TENM3: variants seen among roughly 807,000 people sequenced by gnomAD.
TENM3 encodes teneurin-3.
In TENM3, 63 loss-of-function variants were observed where a neutral mutation model predicts 255.1. That is an observed-to-expected ratio of 0.25 (90% CI 0.20 to 0.30). The LOEUF (loss-of-function observed/expected upper bound fraction) is 0.30, where lower values mean the gene tolerates loss of function less well. Among genes scored for constraint, TENM3 ranks in the 10% least tolerant of loss-of-function variants. TENM3 has a pLI of 1.00. For synonymous variants in TENM3, 1,306 were observed against 1,322.3 expected (o/e 0.99, Z 0.27); for missense variants, 2,929 against 3,461.1 (o/e 0.85, Z 3.86).
chr4:182,387,805 C>T (rs1428460383), intron 3 of TENM3, among the ~76,000 whole-genome samples: 1 of 152,060 alleles, frequency 6.6e-6, no homozygotes, highest in East Asian at 1.9e-4. Flanking sequence ...AAGGGACAGA[C>T]TCCAGACGCG....
the TENM3 span, among the ~76,000 whole-genome samples, chr4:182,025,855 T>TA: frequency 6.6e-6 from 1 of 152,158 alleles, no homozygotes; most frequent in Non-Finnish European, 1.5e-5. Flanking sequence ...CTTTAACTTC[T>TA]AGGGTACATG....
the TENM3 span, among the ~76,000 whole-genome samples, chr4:181,632,130 G>A: frequency 6.6e-6 from 1 of 152,144 alleles, no homozygotes; most frequent in Non-Finnish European, 1.5e-5. Flanking sequence ...AGGTTTAATT[G>A]ACTCACAGTT....
chr4:182,442,753 G>A (rs866800475), intron 3 of TENM3, among the ~76,000 whole-genome samples: 1 of 136,356 alleles, frequency 7.3e-6, no homozygotes, highest in Non-Finnish European at 1.5e-5. Flanking sequence ...CAGCACACTC[G>A]ACTAATTTGT....
At chr4:181,466,937 G>A in the TENM3 span, among the ~76,000 whole-genome samples, 4 of 150,424 alleles carry the variant, frequency 2.7e-5, no homozygotes, top group African/African-American at 4.9e-5. Context: ...TTTTATTGGT[G>A]CTATTTTTAG....
At chr4:181,852,056 C>G in the TENM3 span, among the ~76,000 whole-genome samples, 1 of 152,198 alleles carries the variant, frequency 6.6e-6, no homozygotes, top group Non-Finnish European at 1.5e-5. Context: ...AAAGTCAACT[C>G]AGGGCACGTC....
At chr4:181,624,620 G>C in the TENM3 span, among the ~76,000 whole-genome samples, 1 of 152,178 alleles carries the variant, frequency 6.6e-6, no homozygotes, top group African/African-American at 2.4e-5. Context: ...ATAAAATTAA[G>C]AGGAATAAAG....
At position 182,409,466 on chromosome 4, in the gene TENM3, C is replaced by A. The variant is rs149723845; in HGVS notation, c.511+62537C>A. On this transcript the variant is annotated intron_variant, in intron 3 of 27. Transcript: ENST00000511685. ...GTAATAGCCCCAGGAGCTTTGGCTG[C>A]GGTATTTTCCCCTGTCGGGCCCAGA... Among the ~76,000 whole-genome samples the A allele has an allele frequency of 3.3e-3, 510 of 152,272 alleles. 5 individuals are homozygous for A. The highest frequency in any genetic ancestry group is 0.012 in the African/African-American group (489 of 41,564).
the TENM3 span, among the ~76,000 whole-genome samples, chr4:181,631,170 C>T: frequency 6.6e-6 from 1 of 152,156 alleles, no homozygotes; most frequent in African/African-American, 2.4e-5. Flanking sequence ...AGTCCAGCAT[C>T]CTGATGTCTG....
At chr4:182,672,270 G>T (rs978627132) in intron 6 of TENM3, among the ~76,000 whole-genome samples, 2 of 152,192 alleles carry the variant, frequency 1.3e-5, no homozygotes, top group African/African-American at 4.8e-5. Context: ...GATCCAGGGA[G>T]AAAAGAGGTT....
chr4:181,703,776 T>A, the TENM3 span, among the ~76,000 whole-genome samples: 1 of 148,644 alleles, frequency 6.7e-6, no homozygotes, highest in Non-Finnish European at 1.5e-5. Flanking sequence ...TCCTCTTTAA[T>A]GGATGGAAGT....
intron 3 of TENM3, among the ~76,000 whole-genome samples, chr4:182,543,132 T>A (rs1741054429): frequency 6.6e-6 from 1 of 152,082 alleles, no homozygotes; most frequent in South Asian, 2.1e-4. Context: ...ACTCGATGGA[T>A]GCATGGATGC....
intron 3 of TENM3, among the ~76,000 whole-genome samples, chr4:182,502,717 T>C (rs529909239): frequency 7.9e-5 from 12 of 152,228 alleles, no homozygotes; most frequent in African/African-American, 2.6e-4. Context: ...TTTAAGTTTT[T>C]CTGTTCCCTG....
At chr4:181,821,221 ATCTCAG>A in the TENM3 span, among the ~76,000 whole-genome samples, 1 of 152,094 alleles carries the variant, frequency 6.6e-6, no homozygotes, top group East Asian at 1.9e-4. Context: ...TCCTCACCGC[ATCTCAG>A]TCTGCTAGGA....
chr4:181,843,716 C>CTTT, the TENM3 span, among the ~76,000 whole-genome samples: 122 of 104,652 alleles, frequency 1.2e-3, 2 homozygotes, highest in East Asian at 8.8e-3. Flanking sequence ...TAAGGGCCTT[C>CTTT]TTTTTTTTTT....
chr4:182,003,294 T>C, the TENM3 span, among the ~76,000 whole-genome samples: 1 of 152,042 alleles, frequency 6.6e-6, no homozygotes, highest in African/African-American at 2.4e-5. Context: ...GCTACTAACA[T>C]TTTCTTGCAG....
chr4:181,658,509 C>A, the TENM3 span, among the ~76,000 whole-genome samples: 1 of 152,150 alleles, frequency 6.6e-6, no homozygotes, highest in African/African-American at 2.4e-5. Flanking sequence ...CACATTCATG[C>A]CCCCACTCCC....
chr4:181,484,413 T>G, the TENM3 span, among the ~76,000 whole-genome samples: 1 of 152,180 alleles, frequency 6.6e-6, no homozygotes, highest in Non-Finnish European at 1.5e-5. Context: ...CATCAGATCT[T>G]TTTTCTTCTC....
chr4:181,954,416 C>G, the TENM3 span, among the ~76,000 whole-genome samples: 2 of 152,166 alleles, frequency 1.3e-5, no homozygotes, highest in African/African-American at 4.8e-5. Context: ...CAGTTTTTTA[C>G]AAATTCACCA....
chr4:182,524,327 G>A (rs1056886973), intron 3 of TENM3, among the ~76,000 whole-genome samples: 31 of 144,928 alleles, frequency 2.1e-4, no homozygotes, highest in Non-Finnish European at 3.0e-5. Flanking sequence ...AGAATGGTGG[G>A]TTAATATACC....
Sources: allele counts gnomAD v4.1 joint callset (sites outside exome capture counted in the v4.1 genomes callset), GRCh38; gene constraint gnomAD v4.1.1; transcripts MANE v1.5; gene names NCBI Gene and HGNC (gene_info 2026-07-23, HGNC 2026-07-21).